Variants in MUSK observed in about 807,000 individuals in gnomAD.
MUSK encodes muscle, skeletal receptor tyrosine-protein kinase.
A neutral mutation model predicts 88.7 loss-of-function variants in MUSK; 55 were observed. The observed-to-expected ratio is 0.62, with a 90% CI of 0.50 to 0.78. The LOEUF is 0.78. MUSK is among the 30% of genes least tolerant of loss of function. MUSK has a pLI of 0.00. For synonymous variants in MUSK, 387 were observed against 391.9 expected, an observed-to-expected ratio of 0.99 and a Z score of 0.15; for missense variants, 1,015 against 1,074.3, an observed-to-expected ratio of 0.94 and a Z score of 0.77.
intron 8 of MUSK, among the ~76,000 whole-genome samples, chr9:110,763,793 T>C (rs989583549): frequency 6.6e-6 from 1 of 152,166 alleles, no homozygotes; most frequent in Non-Finnish European, 1.5e-5. Flanking sequence ...TGGAATGCCC[T>C]TGGGACAAAA....
chr9:110,696,291 G>A (rs2076429615), intron 4 of MUSK, among the ~76,000 whole-genome samples: 1 of 149,746 alleles, frequency 6.7e-6, no homozygotes, highest in African/African-American at 2.4e-5. Context: ...AAAAAAAAAA[G>A]TTATTATCCA....
intron 5 of MUSK, among the ~76,000 whole-genome samples, chr9:110,723,133 A>T (rs1420385363): frequency 6.6e-6 from 1 of 151,976 alleles, no homozygotes; most frequent in Non-Finnish European, 1.5e-5. Context: ...ACCAGCCCAA[A>T]TGCTCATCAA....
chr9:110,689,079 G>C (rs1429653024), intron 3 of MUSK, among the ~76,000 whole-genome samples: 1 of 131,328 alleles, frequency 7.6e-6, no homozygotes, highest in Non-Finnish European at 1.6e-5. Context: ...GTTATATATA[G>C]TTATATATTT....
intron 5 of MUSK, among the ~76,000 whole-genome samples, chr9:110,724,487 T>C (rs983313836): frequency 3.9e-5 from 6 of 152,040 alleles, no homozygotes; most frequent in African/African-American, 1.4e-4. Context: ...ACCCAGTCAC[T>C]AAACCGTCAA....
intron 11 of MUSK, among the ~76,000 whole-genome samples, chr9:110,782,592 T>C (rs2132014802): frequency 6.6e-6 from 1 of 152,332 alleles, no homozygotes; most frequent in South Asian, 2.1e-4. Flanking sequence ...ATATATGGTG[T>C]GAGATGCTCT....
At chr9:110,731,674 A>G (rs1225156640) in intron 5 of MUSK, among the ~76,000 whole-genome samples, 2 of 152,032 alleles carry the variant, frequency 1.3e-5, no homozygotes, top group Non-Finnish European at 2.9e-5. Flanking sequence ...TCTCATATTC[A>G]TGAAGCTACC....
intron 6 of MUSK, among the ~76,000 whole-genome samples, chr9:110,738,444 G>C (rs2077055489): frequency 1.3e-5 from 2 of 152,082 alleles, no homozygotes; most frequent in South Asian, 4.1e-4. Flanking sequence ...CCTTAAGCAG[G>C]CTCTGTGATT....
chr9:110,768,907 G>A (rs73655625), intron 9 of MUSK, among the ~76,000 whole-genome samples: 5 of 152,036 alleles, frequency 3.3e-5, no homozygotes, highest in African/African-American at 4.8e-5. Flanking sequence ...TTTAAATATT[G>A]AAATTGATAA....
chr9:110,734,413 C>A (rs146514560), intron 6 of MUSK, 38 bp downstream of exon 6: 1 of 1,612,308 alleles, frequency 6.2e-7, no homozygotes, highest in East Asian at 2.2e-5. Flanking sequence ...CTGGGGAAGA[C>A]CCATTGGTGG....
chr9:110,679,803 A>G (rs1281271022), intron 1 of MUSK, among the ~76,000 whole-genome samples: 1 of 87,380 alleles, frequency 1.1e-5, no homozygotes, highest in Non-Finnish European at 2.3e-5. Flanking sequence ...AAGTTATTCA[A>G]TATTTCTGTC....
chr9:110,688,564 C>T (rs1343743110), intron 3 of MUSK, among the ~76,000 whole-genome samples: 2 of 151,918 alleles, frequency 1.3e-5, no homozygotes, highest in African/African-American at 2.4e-5. Flanking sequence ...CATCCCATCA[C>T]CTAGGTATTA....
At chr9:110,786,211 T>C (rs2077860081) in intron 13 of MUSK, among the ~76,000 whole-genome samples, 1 of 148,544 alleles carries the variant, frequency 6.7e-6, no homozygotes, top group Non-Finnish European at 1.5e-5. Flanking sequence ...CTCGGGAGTC[T>C]GAGGCAGAAG....
chr9:110,805,164 G>A lies in MUSK; in HGVS notation c.*4176G>A, dbSNP rs1341857597. Among the ~76,000 whole-genome samples, 2 of 151,750 alleles carry A rather than the reference G, an allele frequency of 1.3e-5. No homozygotes were observed. Among genetic ancestry groups the A allele is most frequent in the African/African-American group, 4.8e-5 (2 of 41,378 alleles). On this transcript the variant is annotated 3_prime_UTR_variant, in exon 15 of 15. Coordinates refer to ENST00000374448, the MANE Select transcript of MUSK (RefSeq NM_005592.4). ...ATCATCCTGTTGCTAAATTTTGTAAGCATTTATCTTAAGTGATTTCTTTAG... is the reference window on the plus strand; with the variant it reads ...ATCATCCTGTTGCTAAATTTTGTAAACATTTATCTTAAGTGATTTCTTTAG...
chr9:110,734,194 C>T, intron 5 of MUSK, 57 bp from the exon 6 acceptor site: 4 of 1,556,154 alleles, frequency 2.6e-6, no homozygotes, highest in Non-Finnish European at 3.5e-6. Context: ...TAAAAGACCA[C>T]CCTAGCTTGA....
chr9:110,712,857 T>C (rs74823982), intron 5 of MUSK, among the ~76,000 whole-genome samples: 13 of 152,020 alleles, frequency 8.6e-5, no homozygotes, highest in Admixed American at 2.0e-4. Flanking sequence ...TCTTGAAAAG[T>C]GTTCAAATTC....
At chr9:110,738,274 T>G (rs1055402607) in intron 6 of MUSK, among the ~76,000 whole-genome samples, 3 of 140,440 alleles carry the variant, frequency 2.1e-5, no homozygotes, top group Non-Finnish European at 4.9e-5. Flanking sequence ...TCTTTTAGGA[T>G]TTCAGGTCCA....
chr9:110,789,636 G>T (rs769338420), intron 14 of MUSK, among the ~76,000 whole-genome samples: 1 of 152,046 alleles, frequency 6.6e-6, no homozygotes, highest in Non-Finnish European at 1.5e-5. Context: ...AAAATTAGCC[G>T]GGTGTGGTGG....
chr9:110,691,615 T>C (rs1399554200), intron 3 of MUSK, among the ~76,000 whole-genome samples: 4 of 152,152 alleles, frequency 2.6e-5, no homozygotes, highest in Admixed American at 2.0e-4. Flanking sequence ...CATCTGCTAC[T>C]TGCAAACTGT....
chr9:110,768,209 G>A (rs2077514194), intron 9 of MUSK, 126 bp downstream of exon 9: 1 of 1,005,630 alleles, frequency 9.9e-7, no homozygotes, highest in Non-Finnish European at 1.4e-6. Context: ...CAAAATAGGA[G>A]GTTAATGCCT....
Sources: allele counts gnomAD v4.1 joint callset (sites outside exome capture counted in the v4.1 genomes callset), GRCh38; gene constraint gnomAD v4.1.1; transcripts MANE v1.5; gene names NCBI Gene and HGNC (gene_info 2026-07-23, HGNC 2026-07-21).